Variants in PCDHGA8 observed in about 807,000 individuals in gnomAD.
PCDHGA8 encodes the protein protocadherin gamma subfamily A, 8.
PCDHGA8 carries 45 observed loss-of-function variants against 59.2 expected under a neutral mutation model. The ratio of observed to expected loss-of-function variants is 0.76; its 90% confidence interval spans 0.60 to 0.98. The LOEUF (loss-of-function observed/expected upper bound fraction) is 0.98. Ranked by LOEUF, PCDHGA8 falls within the 50% of genes least tolerant of loss-of-function variation. The probability of loss-of-function intolerance (pLI) is 0.00; values close to 1 mark genes in which losing one functional copy is unlikely to be tolerated. For synonymous variants in PCDHGA8, 531 were observed against 519.0 expected, an observed-to-expected ratio of 1.02 and a Z score of -0.32; for missense variants, 1,257 against 1,196.2, an observed-to-expected ratio of 1.05 and a Z score of -0.75.
At chr5:141,472,620 A>G (rs2099290656) in intron 1 of PCDHGA8, among the ~76,000 whole-genome samples, 1 of 152,136 alleles carries the variant, frequency 6.6e-6, no homozygotes, top group Admixed American at 6.5e-5. Context: ...AGAAGAAAAA[A>G]GATAAAGACT....
intron 1 of PCDHGA8, chr5:141,423,123 A>G: frequency 1.2e-6 from 2 of 1,613,766 alleles, no homozygotes; most frequent in Non-Finnish European, 1.7e-6. Flanking sequence ...CAGCGCGGGC[A>G]CTGCTGGACA....
chr5:141,498,616 G>T (rs1202866176), intron 2 of PCDHGA8, among the ~76,000 whole-genome samples: 1 of 152,138 alleles, frequency 6.6e-6, no homozygotes, highest in East Asian at 1.9e-4. Flanking sequence ...AGTCAGCACT[G>T]GGTCACACTG....
In PCDHGA8 at chr5:141,491,406, C is replaced by G. The variant is rs773729429; in HGVS notation, c.2425-3401C>G. On this transcript the variant is annotated intron_variant, in intron 1 of 3. Transcript: ENST00000398604. This position sits in a 1 kb window ranked among gnomAD's most constrained non-coding sequence, Gnocchi z 6.9. ...CGAAGTGCCTTCAGGGAAACGCAGA[C>G]GGGGACGGGGGTGGAGGGCAGTGCT... 9 of 1,613,978 alleles carry G rather than the reference C, an allele frequency of 5.6e-6. No homozygotes were observed.
At position 141,423,537 on chromosome 5, in the gene PCDHGA8, T is replaced by A. The variant is rs201034039; in HGVS notation, c.2424+28300T>A. 1.4e-4 allele frequency: 225 copies of A among 1,613,694 alleles called. 2 individuals carry two copies. In the South Asian group the frequency reaches 2.3e-3, roughly 16 times the overall value. On this transcript the variant is annotated intron_variant, in intron 1 of 3. Coordinates refer to ENST00000398604, the MANE Select transcript of PCDHGA8 (RefSeq NM_032088.2). ...CGGACTCGCAGAAGAGTCACCTGAT[T>A]TTCCCCCAGCCCAACTATGGGGACA...
At position 141,490,712 on chromosome 5, in the gene PCDHGA8, A is replaced by T; in HGVS notation, c.2425-4095A>T. The stretch of plus-strand genomic sequence containing the variant: ...ACTGGGGATAATGCCCGCCTCACCT[A>T]CTCCATTGTAGGAAATCAGGTTCAG... On this transcript the variant is annotated intron_variant, in intron 1 of 3. Transcript: ENST00000398604. The surrounding 1 kb of genome is among the most constrained non-coding windows in gnomAD (Gnocchi z 5.4). The T allele has an allele frequency of 6.2e-7, 1 of 1,613,686 alleles. No homozygotes were observed. The highest frequency in any genetic ancestry group is 8.5e-7 in the Non-Finnish European group (1 of 1,179,894).
At chr5:141,450,835 T>TATTA (rs1438371595) in intron 1 of PCDHGA8, among the ~76,000 whole-genome samples, 1 of 142,096 alleles carries the variant, frequency 7.0e-6, no homozygotes, top group Admixed American at 6.9e-5. Context: ...TATTATTTTT[T>TATTA]TTTTTTTGAG....
rs554661873 is a variant in PCDHGA8, at chr5:141,487,723, T to C, written c.2425-7084T>C. ...GCCTCTCAGTAAGTGCCCATAGTGATGTCACCATTTTTGTAAGAGGTAACT... is the reference window on the plus strand; with the variant it reads ...GCCTCTCAGTAAGTGCCCATAGTGACGTCACCATTTTTGTAAGAGGTAACT... On this transcript the variant is annotated intron_variant, in intron 1 of 3. Transcript: ENST00000398604. The surrounding 1 kb of genome is among the most constrained non-coding windows in gnomAD (Gnocchi z 5.0). The C allele has an allele frequency of 2.6e-5, 41 of 1,574,932 alleles. No homozygotes were observed. Among genetic ancestry groups the C allele is most frequent in the Non-Finnish European group, 5.2e-6 (6 of 1,158,382 alleles).
chr5:141,508,826 C>T (rs2099872187), intron 3 of PCDHGA8, among the ~76,000 whole-genome samples: 1 of 152,092 alleles, frequency 6.6e-6, no homozygotes, highest in South Asian at 2.1e-4. Context: ...AGATCTGGGC[C>T]CCCCTCCCCT....
intron 1 of PCDHGA8, chr5:141,410,309 T>G: frequency 6.2e-7 from 1 of 1,613,998 alleles, no homozygotes; most frequent in Non-Finnish European, 8.5e-7. Flanking sequence ...CTCAGTGCTC[T>G]TCCTCCTCGC....
At position 141,394,009 on chromosome 5, in the gene PCDHGA8, GTAA is replaced by G; in HGVS notation, c.1198_1200del (p.Asn400del). ...CCTTTTAAATTAGAAAAGTCAATAG[GTAA>G]TTATTATAGATTAGTGACAAGGAAA... is the stretch of plus-strand genomic sequence containing the variant. On this transcript the variant is annotated inframe_deletion, in exon 1 of 4. Coordinates refer to ENST00000398604, the MANE Select transcript of PCDHGA8 (RefSeq NM_032088.2). 6.2e-7 allele frequency: 1 copy of G among 1,613,394 alleles called. No individual in the cohort carries two copies. Among genetic ancestry groups the G allele is most frequent in the Non-Finnish European group, 8.5e-7 (1 of 1,179,576 alleles).
chr5:141,394,389 C>T lies in PCDHGA8; in HGVS notation c.1576C>T (p.Arg526Ter), dbSNP rs750588570. 2.6e-5 allele frequency: 42 copies of T among 1,614,118 alleles called. No individual in the cohort carries two copies. Among genetic ancestry groups the T allele is most frequent in the Non-Finnish European group, 3.5e-5 (41 of 1,180,062 alleles). ...GCAATCTTTCGACTATGAGCAGATC[C>T]GAGACCTGCAGCTACTGGTAACAGC... ...ALQSFDYEQI[R>*]DLQLLVTASD... The change falls in exon 1 of 4, where the codon CGA becomes TGA. Residue 526 changes from arginine (R) to a stop codon, truncating the protein, a stop_gained. Coordinates refer to ENST00000398604, the MANE Select transcript of PCDHGA8 (RefSeq NM_032088.2). LOFTEE classifies it high-confidence loss of function.
intron 1 of PCDHGA8, chr5:141,408,038 C>G (rs2095030679): frequency 8.6e-7 from 1 of 1,156,402 alleles, no homozygotes; most frequent in Admixed American, 3.0e-5. Flanking sequence ...AGAAAACCAG[C>G]TCCCACACAG....
In PCDHGA8 at chr5:141,393,370, A is replaced by G. The variant is rs2092740114; in HGVS notation, c.557A>G (p.Asp186Gly). The G allele has an allele frequency of 3.1e-6, 5 of 1,613,954 alleles. No homozygotes were observed. The highest frequency in any genetic ancestry group is 2.5e-6 in the Non-Finnish European group (3 of 1,179,858). Reference sequence around the variant, plus strand: ...TTCTCCCTGGACGTGCAGACTGGAGACAATGGAGCCATAAACCCAGAGCTG... The same window carrying G: ...TTCTCCCTGGACGTGCAGACTGGAGGCAATGGAGCCATAAACCCAGAGCTG... ...HHFSLDVQTG[D>G]NGAINPELVL... The change falls in exon 1 of 4, where the codon GAC becomes GGC. Residue 186 changes from aspartate to glycine, a missense_variant. By Grantham distance (94) the Asp-to-Gly change is moderately conservative (BLOSUM62 -1). Transcript: ENST00000398604.
chr5:141,428,156 C>G, intron 1 of PCDHGA8: 2 of 1,579,884 alleles, frequency 1.3e-6, no homozygotes, highest in Non-Finnish European at 1.7e-6. Flanking sequence ...CGGGAACCTG[C>G]TGGTTGCTGT....
chr5:141,415,848 A>C (rs1222834072), intron 1 of PCDHGA8: 1 of 1,241,178 alleles, frequency 8.1e-7, no homozygotes, highest in Non-Finnish European at 1.0e-6. Context: ...GCTTTGCAGA[A>C]CCTTGTAGTT....
In PCDHGA8 at chr5:141,393,946, A is replaced by G. The variant is rs1417125080; in HGVS notation, c.1133A>G (p.Lys378Arg). 4.3e-6 allele frequency: 7 copies of G among 1,613,892 alleles called. No individual in the cohort carries two copies. The highest frequency in any genetic ancestry group is 4.2e-6 in the Non-Finnish European group (5 of 1,179,896). Residue 378 changes from lysine to arginine, a missense_variant, in exon 1 of 4, where the codon AAG becomes AGG. Physicochemically the swap from Lys to Arg is conservative, Grantham distance 26. Coordinates refer to ENST00000398604, the MANE Select transcript of PCDHGA8 (RefSeq NM_032088.2). Reference sequence around the variant, plus strand: ...AGTGTGCATGACCAAGACTCTGGAAAGAATGGTCAAGTTGTCTGTTACACA... The same window carrying G: ...AGTGTGCATGACCAAGACTCTGGAAGGAATGGTCAAGTTGTCTGTTACACA... ...FLSVHDQDSG[K>R]NGQVVCYTRD...
At chr5:141,430,996 G>A (rs1256552269) in intron 1 of PCDHGA8, 6 of 1,614,024 alleles carry the variant, frequency 3.7e-6, no homozygotes, top group Non-Finnish European at 5.1e-6. Context: ...CCCTGAATCC[G>A]CGCAGCGGCA....
In PCDHGA8 at chr5:141,420,606, G is replaced by A. The variant is rs141099124; in HGVS notation, c.2424+25369G>A. On this transcript the variant is annotated intron_variant, in intron 1 of 3. Coordinates refer to ENST00000398604, the MANE Select transcript of PCDHGA8 (RefSeq NM_032088.2). Reference sequence around the variant, plus strand: ...CCTGATGCTACTCAATTTTTCTCAAGTATTTCATCTTCATTTACTCAATAA... The same window carrying A: ...CCTGATGCTACTCAATTTTTCTCAAATATTTCATCTTCATTTACTCAATAA... Among the ~76,000 whole-genome samples the A allele has an allele frequency of 2.7e-3, 411 of 152,256 alleles. 1 individual carries two copies. Among genetic ancestry groups the A allele is most frequent in the African/African-American group, 9.4e-3 (392 of 41,546 alleles).
intron 1 of PCDHGA8, chr5:141,400,525 G>A: frequency 6.2e-7 from 1 of 1,613,908 alleles, no homozygotes; most frequent in Non-Finnish European, 8.5e-7. Context: ...TCCTGAGTTG[G>A]TGAGTTTCAT....
Sources: gnomAD v4.1 joint callset for allele counts (sites outside exome capture counted in the v4.1 genomes callset) on GRCh38, gnomAD v4.1.1 for gene constraint, Gnocchi (gnomAD v3.1) non-coding constraint, MANE v1.5 for transcripts, NCBI Gene and HGNC (gene_info 2026-07-23, HGNC 2026-07-21) for gene names.